CEP76: variants seen among roughly 807,000 people sequenced by gnomAD.
CEP76 encodes centrosomal protein of 76 kDa.
In CEP76, 55 loss-of-function variants were observed where a neutral mutation model predicts 83.3. The ratio of observed to expected loss-of-function variants is 0.66; its 90% CI spans 0.53 to 0.83. The LOEUF (loss-of-function observed/expected upper bound fraction) is 0.83, where lower values mean the gene tolerates loss of function less well. CEP76 is among the 40% of genes least tolerant of loss of function. CEP76 has a pLI of 0.00. For missense variants in CEP76, 694 were observed against 799.5 expected, an observed-to-expected ratio of 0.87 and a Z score of 1.59; for synonymous variants, 270 against 274.5, an observed-to-expected ratio of 0.98 and a Z score of 0.16.
chr18:12,668,236 G>A (rs1209316545), downstream of CEP76, among the ~76,000 whole-genome samples: 1 of 151,980 alleles, frequency 6.6e-6, no homozygotes, highest in Non-Finnish European at 1.5e-5. Context: ...CTGCACTCCA[G>A]ACTGGGCAAC....
At chr18:12,673,733 T>A (rs1005338330) in intron 11 of CEP76, among the ~76,000 whole-genome samples, 7 of 151,898 alleles carry the variant, frequency 4.6e-5, no homozygotes, top group African/African-American at 1.7e-4. Context: ...TTACAAAAAT[T>A]AGCCGCGTGT....
chr18:12,696,054 A>C (rs1358125478), intron 5 of CEP76, among the ~76,000 whole-genome samples: 1 of 152,154 alleles, frequency 6.6e-6, no homozygotes, highest in East Asian at 1.9e-4. Flanking sequence ...AGTGAATCAG[A>C]ATCTGCTTGT....
chr18:12,662,201 A>G (rs1367953040), intron 12 of CEP76: 3 of 447,108 alleles, frequency 6.7e-6, no homozygotes, highest in Non-Finnish European at 1.3e-5. Context: ...GAAAAAAAAA[A>G]AACAGCATAT....
chr18:12,698,310 G>GC (rs1198539221), intron 4 of CEP76, among the ~76,000 whole-genome samples: 1 of 151,628 alleles, frequency 6.6e-6, no homozygotes, highest in Non-Finnish European at 1.5e-5. Context: ...CTCATTACAC[G>GC]CGCCTGCCAC....
At position 12,673,298 on chromosome 18, in the gene CEP76, G is replaced by T; in HGVS notation, c.*67C>A. The T allele has an allele frequency of 6.5e-7, 1 of 1,528,994 alleles. No homozygotes were observed. Among genetic ancestry groups the T allele is most frequent in the Admixed American group, 2.4e-5 (1 of 41,838 alleles). The allele number at this position is 1,528,994 out of a possible 1,614,324, so 94.7% of individuals were successfully genotyped here. A position where few individuals can be genotyped will look rare whatever the true frequency, so the allele number is the denominator to read the frequency against. ...TTTTAAAATAACAAACCTCTAAATA[G>T]CTAAGTAATGTACAATGTGTAAAAT... On this transcript the variant is annotated 3_prime_UTR_variant, in exon 12 of 12. Transcript: ENST00000262127.
In CEP76 at chr18:12,690,030, C is replaced by T. The variant is rs186446117; in HGVS notation, c.933+1329G>A. ...TCTCAAACCCCTGACCTCAGAGGAT[C>T]CACCTGCCTCGGCCTCCCCAAGTGC... is the stretch of plus-strand genomic sequence containing the variant. On this transcript the variant is annotated intron_variant, in intron 7 of 11. Coordinates refer to ENST00000262127, the MANE Select transcript of CEP76 (RefSeq NM_024899.4). 4.1e-3 allele frequency among the ~76,000 whole-genome samples: 618 copies of T among 152,330 alleles called. 3 individuals carry two copies. The highest frequency in any genetic ancestry group is 7.3e-3 in the Non-Finnish European group (499 of 68,030).
Position 12,673,436 on chromosome 18 carries a change from C to G in CEP76, c.1909G>C (p.Val637Leu), listed in dbSNP as rs1186610553. The G allele has an allele frequency of 5.6e-6, 9 of 1,599,940 alleles. No individual in the cohort carries two copies. Among genetic ancestry groups the G allele is most frequent in the African/African-American group, 1.4e-5 (1 of 73,724 alleles). The change falls in exon 12 of 12, where the codon GTA (valine) becomes CTA (leucine). Residue 637 changes from valine (V) to leucine (L), a missense_variant. Coordinates refer to ENST00000262127, the MANE Select transcript of CEP76 (RefSeq NM_024899.4). ...DQVRLAVRVRVFTYPESACAV... is the reference protein window; with the variant it reads ...DQVRLAVRVRLFTYPESACAV... ...CATGCAGATTCAGGGTAAGTAAATA[C>G]TCGGACACGAACTGCCAGTCGCACT...
chr18:12,697,212 A>C lies in CEP76; in HGVS notation c.706+11T>G. On this transcript the variant is annotated intron_variant, in intron 5 of 11. Transcript: ENST00000262127. ...ATAAAAAGGTTAACAATGATATATT[A>C]ATCACCATACCTACACCCATAAGTT... is the stretch of plus-strand genomic sequence containing the variant. 6.4e-7 allele frequency: 1 copy of C among 1,574,564 alleles called. No individual in the cohort carries two copies. Among genetic ancestry groups the C allele is most frequent in the Non-Finnish European group, 8.6e-7 (1 of 1,156,632 alleles).
At chr18:12,669,028 C>T (rs1341751682), downstream of CEP76, among the ~76,000 whole-genome samples, 4 of 121,616 alleles carry the variant, frequency 3.3e-5, no homozygotes, top group East Asian at 2.3e-4. Context: ...CCGCACCCCC[C>T]GCACTTTTTT....
chr18:12,662,730 T>C (rs1269679421), intron 12 of CEP76, among the ~76,000 whole-genome samples: 1 of 152,166 alleles, frequency 6.6e-6, no homozygotes, highest in East Asian at 1.9e-4. Flanking sequence ...TGAGCCGAGA[T>C]CATGCCACTG....
downstream of CEP76, among the ~76,000 whole-genome samples, chr18:12,670,007 GAAAAGA>G (rs1217929363): frequency 6.9e-5 from 10 of 145,164 alleles, no homozygotes; most frequent in East Asian, 5.9e-4. Flanking sequence ...AAAAAAAAAA[GAAAAGA>G]AAAAGAAAAA....
rs1568009650 is a variant in CEP76 at position 12,674,471 on chromosome 18, A to C, written c.1841+65T>G. 4 of 1,218,884 alleles carry C rather than the reference A, an allele frequency of 3.3e-6. No homozygotes were observed. In the East Asian group the frequency reaches 9.4e-5, roughly 29 times the overall value. The allele number at this position is 1,218,884 out of a possible 1,614,324, so 75.5% of individuals were successfully genotyped here. A position where few individuals can be genotyped will look rare whatever the true frequency, so the allele number is the denominator to read the frequency against. Reference sequence around the variant, plus strand: ...AAAAAAAAAAAAGGAAATTAAAAAAACCCCTGCCGGACTGATCTGTAAGAC... The same window carrying C: ...AAAAAAAAAAAAGGAAATTAAAAAACCCCCTGCCGGACTGATCTGTAAGAC... On this transcript the variant is annotated intron_variant, in intron 11 of 11. Transcript: ENST00000262127.
At chr18:12,690,376 T>C (rs778589594) in intron 7 of CEP76, among the ~76,000 whole-genome samples, 5 of 152,140 alleles carry the variant, frequency 3.3e-5, no homozygotes, top group Non-Finnish European at 5.9e-5. Context: ...TATGAAAGCA[T>C]CTGTATGAGG....
intron 9 of CEP76, among the ~76,000 whole-genome samples, chr18:12,679,825 G>A (rs2145010421): frequency 6.6e-6 from 1 of 152,176 alleles, no homozygotes; most frequent in Admixed American, 6.6e-5. Context: ...CACTTTGGAA[G>A]GCCGTGGCAG....
downstream of CEP76, among the ~76,000 whole-genome samples, chr18:12,669,402 G>T (rs1449325007): frequency 6.6e-6 from 1 of 151,772 alleles, no homozygotes; most frequent in Non-Finnish European, 1.5e-5. Flanking sequence ...ATGAGCCACC[G>T]CGCCTGGCCC....
Position 12,696,489 on chromosome 18 carries a change from G to A in CEP76, c.706+734C>T, listed in dbSNP as rs561108125. On this transcript the variant is annotated intron_variant, in intron 5 of 11. Transcript: ENST00000262127. Reference sequence around the variant, plus strand: ...CTGCACTCCAGCCTGGTGACAGAGCGAGACTCCATCTCAAATAATAATAAT... The same window carrying A: ...CTGCACTCCAGCCTGGTGACAGAGCAAGACTCCATCTCAAATAATAATAAT... Among the ~76,000 whole-genome samples the A allele has an allele frequency of 1.3e-4, 20 of 150,614 alleles. No homozygotes were observed. The South Asian group carries it at 1.7e-3, about 13-fold the overall frequency.
chr18:12,695,366 A>T lies in CEP76; in HGVS notation c.707-15T>A. ...TGATTCTGTGCCTATAAACATAAAT[A>T]TTTTGAACTTCAGAGATTTCAATAC... On this transcript the variant is annotated splice_polypyrimidine_tract_variant and intron_variant, in intron 5 of 11. Coordinates refer to ENST00000262127, the MANE Select transcript of CEP76 (RefSeq NM_024899.4). The T allele has an allele frequency of 7.8e-7, 1 of 1,289,284 alleles. No individual in the cohort carries two copies. The highest frequency in any genetic ancestry group is 1.1e-6 in the Non-Finnish European group (1 of 913,434). 79.9% of individuals were successfully genotyped at this position (1,289,284 alleles called of 1,614,324 possible).
At chr18:12,688,162 C>T (rs901083954) in intron 7 of CEP76, among the ~76,000 whole-genome samples, 15 of 139,720 alleles carry the variant, frequency 1.1e-4, no homozygotes, top group African/African-American at 4.0e-4. Context: ...ATCTGGGAGG[C>T]GGAGCTTGCA....
At chr18:12,673,643 G>GC (rs2039010525) in intron 11 of CEP76, 140 bp from the exon 12 acceptor site, 1 of 563,264 alleles carries the variant, frequency 1.8e-6, no homozygotes, top group East Asian at 4.0e-5. Context: ...ACTTTGGGAG[G>GC]CCGAGACAGG....
Sources: allele counts gnomAD v4.1 joint callset (sites outside exome capture counted in the v4.1 genomes callset), GRCh38; gene constraint gnomAD v4.1.1; transcripts MANE v1.5; gene names NCBI Gene and HGNC (gene_info 2026-07-23, HGNC 2026-07-21).